CDH4: variants seen among roughly 807,000 people sequenced by gnomAD.
The protein encoded by CDH4 is cadherin-4.
Under a neutral mutation model 86.0 loss-of-function variants are expected in CDH4, and 33 were observed. The ratio of observed to expected loss-of-function variants is 0.38; its 90% CI spans 0.29 to 0.51. The LOEUF is 0.51. CDH4 is among the 20% of genes least tolerant of loss of function. CDH4 has a pLI of 0.86. For missense variants in CDH4, 1,114 were observed against 1,307.4 expected, an observed-to-expected ratio of 0.85 and a Z score of 2.28; for synonymous variants, 555 against 549.4, an observed-to-expected ratio of 1.01 and a Z score of -0.14.
intron 4 of CDH4, among the ~76,000 whole-genome samples, chr20:61,809,855 G>A (rs2146044442): frequency 6.6e-6 from 1 of 152,324 alleles, no homozygotes; most frequent in South Asian, 2.1e-4. Flanking sequence ...TGAGGTCGGA[G>A]CACAGCGGGG....
At chr20:61,913,582 T>TG (rs1367884215) in intron 9 of CDH4, among the ~76,000 whole-genome samples, 1 of 152,146 alleles carries the variant, frequency 6.6e-6, no homozygotes, top group Non-Finnish European at 1.5e-5. Flanking sequence ...GACTAGACTG[T>TG]GGGGCATGGA....
chr20:61,451,495 G>A (rs1009984000), intron 2 of CDH4, among the ~76,000 whole-genome samples: 1 of 152,182 alleles, frequency 6.6e-6, no homozygotes, highest in Non-Finnish European at 1.5e-5. Flanking sequence ...AAGCTAACAG[G>A]TTCAAATGAG....
intron 2 of CDH4, among the ~76,000 whole-genome samples, chr20:61,576,162 C>T (rs371974992): frequency 3.3e-5 from 5 of 152,178 alleles, no homozygotes; most frequent in Middle Eastern, 3.2e-3. Flanking sequence ...CTCCTGGTAG[C>T]GTGGCTTCTC....
intron 2 of CDH4, among the ~76,000 whole-genome samples, chr20:61,486,581 T>C (rs1303247981): frequency 6.6e-6 from 1 of 152,242 alleles, no homozygotes. Flanking sequence ...CCTCAGTTAA[T>C]AATCTGCTTT....
intron 2 of CDH4, among the ~76,000 whole-genome samples, chr20:61,677,227 A>G (rs891324032): frequency 6.6e-6 from 1 of 152,178 alleles, no homozygotes; most frequent in African/African-American, 2.4e-5. Context: ...CCTCTGTGAT[A>G]TCTGCGAGCA....
At chr20:61,352,400 A>T (rs1213205746) in intron 2 of CDH4, among the ~76,000 whole-genome samples, 1 of 152,198 alleles carries the variant, frequency 6.6e-6, no homozygotes. Flanking sequence ...ATTGTCCCTC[A>T]TGAGAGCCAG....
chr20:61,480,406 C>T lies in CDH4; in HGVS notation c.169+225469C>T, dbSNP rs1446583530. On this transcript the variant is annotated intron_variant, in intron 2 of 15. Coordinates refer to ENST00000614565, the MANE Select transcript of CDH4 (RefSeq NM_001794.5). This position sits in a 1 kb window ranked among gnomAD's most constrained non-coding sequence, Gnocchi z 5.2. ...GTTGTTCCAAGGTGGGTGGTGGATACACAGTCCCTGCCACGCCATCTCTGG... is the reference window on the plus strand; with the variant it reads ...GTTGTTCCAAGGTGGGTGGTGGATATACAGTCCCTGCCACGCCATCTCTGG... Among the ~76,000 whole-genome samples the T allele has an allele frequency of 1.3e-5, 2 of 152,222 alleles. No individual in the cohort carries two copies. The highest frequency in any genetic ancestry group is 4.8e-5 in the African/African-American group (2 of 41,452).
At chr20:61,632,707 A>G (rs1320659622) in intron 2 of CDH4, among the ~76,000 whole-genome samples, 1 of 147,516 alleles carries the variant, frequency 6.8e-6, no homozygotes, top group Non-Finnish European at 1.5e-5. Flanking sequence ...TGTACCTGAC[A>G]AGCCACCAAC....
chr20:61,915,956 T>A lies in CDH4; in HGVS notation c.1374+5349T>A, dbSNP rs1002797972. On this transcript the variant is annotated intron_variant, in intron 9 of 15. Coordinates refer to ENST00000614565, the MANE Select transcript of CDH4 (RefSeq NM_001794.5). ...GTCCCCAAAGAGTCATGGGTCATTG[T>A]GTCCTAGGTAGAATTCAACAGGAGA... is the stretch of plus-strand genomic sequence containing the variant. 4.6e-5 allele frequency among the ~76,000 whole-genome samples: 7 copies of A among 152,238 alleles called. No homozygotes were observed. In the South Asian group the frequency reaches 1.4e-3, roughly 32 times the overall value.
At position 61,557,739 on chromosome 20, in the gene CDH4, C is replaced by T. The variant is rs73914847; in HGVS notation, c.170-185824C>T. ...AACCACGGAGCGCCTCTTGAGAAGGCTCGTTAAGGGCGTGAACGTGCAGCC... is the reference window on the plus strand; with the variant it reads ...AACCACGGAGCGCCTCTTGAGAAGGTTCGTTAAGGGCGTGAACGTGCAGCC... On this transcript the variant is annotated intron_variant, in intron 2 of 15. Transcript: ENST00000614565. 6.7e-3 allele frequency among the ~76,000 whole-genome samples: 943 copies of T among 141,704 alleles called. 13 individuals are homozygous for T. The highest frequency in any genetic ancestry group is 0.022 in the African/African-American group (870 of 40,088). The allele number at this position is 141,704 out of a possible 152,430, so 93.0% of individuals were successfully genotyped here.
At chr20:61,601,776 C>T (rs1417068836) in intron 2 of CDH4, among the ~76,000 whole-genome samples, 1 of 152,242 alleles carries the variant, frequency 6.6e-6, no homozygotes, top group Non-Finnish European at 1.5e-5. Flanking sequence ...CTTCTATGGG[C>T]GTTTGTTTAG....
chr20:61,919,276 T>C (rs1030205493), intron 9 of CDH4, among the ~76,000 whole-genome samples: 5 of 152,242 alleles, frequency 3.3e-5, no homozygotes, highest in African/African-American at 1.2e-4. Flanking sequence ...TGGTTGTTCC[T>C]GCTTGGAAAG....
rs1450729447 is a variant in CDH4, at chr20:61,743,797, G to A, written c.396+8G>A. On this transcript the variant is annotated splice_region_variant and intron_variant, in intron 3 of 15. Coordinates refer to ENST00000614565, the MANE Select transcript of CDH4 (RefSeq NM_001794.5). ...CCGCACTCTGGACACAAGGTAAGGTGTGACCGCCCGGGTCTGCGCTGGAGT... is the reference window on the plus strand; with the variant it reads ...CCGCACTCTGGACACAAGGTAAGGTATGACCGCCCGGGTCTGCGCTGGAGT... 1.9e-6 allele frequency: 3 copies of A among 1,581,484 alleles called. No individual in the cohort carries two copies. Among genetic ancestry groups the A allele is most frequent in the Non-Finnish European group, 2.6e-6 (3 of 1,162,758 alleles).
chr20:61,625,447 C>T (rs559946568), intron 2 of CDH4, among the ~76,000 whole-genome samples: 23 of 151,932 alleles, frequency 1.5e-4, no homozygotes, highest in African/African-American at 5.3e-4. Flanking sequence ...GAGCAGTCTG[C>T]GTGATAGTTT....
chr20:61,857,672 C>A (rs988972662), intron 6 of CDH4, among the ~76,000 whole-genome samples: 3 of 152,248 alleles, frequency 2.0e-5, no homozygotes, highest in Non-Finnish European at 4.4e-5. Context: ...GAAATGACTT[C>A]TCAAAAAATC....
Position 61,938,883 on chromosome 20 carries a change from A to T in CDH4, c.*1940A>T, listed in dbSNP as rs1161657027. The T allele has an allele frequency of 6.6e-6, 1 of 151,928 alleles. No homozygotes were observed. The highest frequency in any genetic ancestry group is 1.5e-5 in the Non-Finnish European group (1 of 68,030). 9.4% of individuals were successfully genotyped at this position (151,928 alleles called of 1,614,324 possible). A position where few individuals can be genotyped will look rare whatever the true frequency, so the allele number is the denominator to read the frequency against. ...CTCAGTCTCCAACCTGTCCTTTCTG[A>T]CCCTCCCATGGCTGCCCAGGGAGGG... On this transcript the variant is annotated 3_prime_UTR_variant, in exon 16 of 16. Coordinates refer to ENST00000614565, the MANE Select transcript of CDH4 (RefSeq NM_001794.5).
chr20:61,559,437 C>T (rs535084350), intron 2 of CDH4, among the ~76,000 whole-genome samples: 3 of 151,736 alleles, frequency 2.0e-5, no homozygotes, highest in African/African-American at 4.8e-5. Flanking sequence ...GGCGCGCTGT[C>T]GGGAGGAAGG....
chr20:61,919,233 C>T (rs569673923), intron 9 of CDH4, among the ~76,000 whole-genome samples: 8 of 152,128 alleles, frequency 5.3e-5, no homozygotes, highest in Non-Finnish European at 7.3e-5. Context: ...GTAGCAGTGC[C>T]GAGAAGTCCT....
chr20:61,508,340 C>G (rs2085756504), intron 2 of CDH4, among the ~76,000 whole-genome samples: 1 of 152,356 alleles, frequency 6.6e-6, no homozygotes, highest in East Asian at 1.9e-4. Context: ...GAAGCCAGTC[C>G]TCAGTGACCG....
Sources: allele counts gnomAD v4.1 joint callset (sites outside exome capture counted in the v4.1 genomes callset), GRCh38; gene constraint gnomAD v4.1.1; non-coding constraint Gnocchi (gnomAD v3.1); transcripts MANE v1.5; gene names NCBI Gene and HGNC (gene_info 2026-07-23, HGNC 2026-07-21).